NFIB: variants seen among roughly 807,000 people sequenced by gnomAD.
NFIB encodes the protein nuclear factor 1 B-type.
A neutral mutation model predicts 61.5 loss-of-function variants in NFIB; 11 were observed. That is an observed-to-expected ratio of 0.18 (90% CI 0.11 to 0.30). The LOEUF is 0.30. Among genes scored for constraint, NFIB ranks in the 10% least tolerant of loss-of-function variants. NFIB has a pLI of 1.00. For synonymous variants in NFIB, 260 were observed against 216.5 expected (o/e 1.20, Z -1.76); for missense variants, 471 against 608.9 (o/e 0.77, Z 2.38).
At chr9:14,419,018 T>G in the NFIB span, among the ~76,000 whole-genome samples, 1 of 152,068 alleles carries the variant, frequency 6.6e-6, no homozygotes, top group African/African-American at 2.4e-5. Flanking sequence ...CTGCCATGTA[T>G]CTAATGAATT....
intron 1 of NFIB, among the ~76,000 whole-genome samples, chr9:14,346,277 C>G (rs1431793209): frequency 2.3e-5 from 3 of 130,270 alleles, no homozygotes; most frequent in Non-Finnish European, 3.3e-5. Flanking sequence ...CGCAGTCACA[C>G]GAGGTAACCG....
At position 14,120,872 on chromosome 9, in the gene NFIB, G is replaced by A. The variant is rs913570080; in HGVS notation, c.1061-248C>T. The stretch of plus-strand genomic sequence containing the variant: ...ATCTTGCTTCCTGGCTCTGTGAGTG[G>A]TTACAAAATCAGTTTCTCTTTTATA... On this transcript the variant is annotated intron_variant, in intron 7 of 10. Coordinates refer to ENST00000380953, the MANE Select transcript of NFIB (RefSeq NM_001190737.2). The surrounding 1 kb of genome is among the most constrained non-coding windows in gnomAD (Gnocchi z 4.4). 2.6e-5 allele frequency among the ~76,000 whole-genome samples: 4 copies of A among 152,080 alleles called. No individual in the cohort carries two copies. Among genetic ancestry groups the A allele is most frequent in the African/African-American group, 9.7e-5 (4 of 41,388 alleles).
intron 2 of NFIB, among the ~76,000 whole-genome samples, chr9:14,239,834 C>T (rs1201906073): frequency 1.3e-5 from 2 of 152,080 alleles, no homozygotes; most frequent in Non-Finnish European, 2.9e-5. Context: ...GAAAGATACC[C>T]TCCAGAGGGA....
the NFIB span, among the ~76,000 whole-genome samples, chr9:14,429,847 T>C: frequency 6.6e-6 from 1 of 152,224 alleles, no homozygotes; most frequent in African/African-American, 2.4e-5. Context: ...AATAAATTAT[T>C]TTCTATGCAT....
At chr9:14,284,901 T>A (rs1414902269) in intron 2 of NFIB, among the ~76,000 whole-genome samples, 1 of 152,198 alleles carries the variant, frequency 6.6e-6, no homozygotes, top group Non-Finnish European at 1.5e-5. Context: ...AATCCTCTCT[T>A]TAAGGACATT....
At chr9:14,424,026 G>T in the NFIB span, among the ~76,000 whole-genome samples, 1 of 152,082 alleles carries the variant, frequency 6.6e-6, no homozygotes, top group Non-Finnish European at 1.5e-5. Context: ...GGCAAGGGGT[G>T]GGGGCTGGGT....
At chr9:14,136,769 G>A (rs2041095860) in intron 6 of NFIB, among the ~76,000 whole-genome samples, 1 of 152,116 alleles carries the variant, frequency 6.6e-6, no homozygotes, top group Non-Finnish European at 1.5e-5. Context: ...ATGATTTGAT[G>A]TGATTTAGTG....
intron 2 of NFIB, among the ~76,000 whole-genome samples, chr9:14,277,408 G>A (rs1387118268): frequency 2.0e-5 from 3 of 152,038 alleles, no homozygotes; most frequent in Admixed American, 6.6e-5. Context: ...ATCTCCAGAA[G>A]TGTGCCGAGG....
chr9:14,357,455 C>T (rs2061189168), intron 1 of NFIB: 1 of 152,148 alleles, frequency 6.6e-6, no homozygotes. Flanking sequence ...TCTGTGAGCC[C>T]CAAGTCAGAT....
At chr9:14,149,276 G>C (rs777734547) in intron 5 of NFIB, among the ~76,000 whole-genome samples, 5 of 151,964 alleles carry the variant, frequency 3.3e-5, no homozygotes, top group African/African-American at 1.2e-4. Flanking sequence ...CAAATTCAAC[G>C]AACTTTCACT....
the NFIB span, among the ~76,000 whole-genome samples, chr9:14,451,545 A>AAAACC: frequency 6.6e-6 from 1 of 152,198 alleles, no homozygotes; most frequent in African/African-American, 2.4e-5. Flanking sequence ...AAAACAAAAC[A>AAAACC]AAACCCACAA....
intron 2 of NFIB, among the ~76,000 whole-genome samples, chr9:14,248,329 TCTTCCTTC>T (rs1174633714): frequency 2.0e-5 from 3 of 148,942 alleles, no homozygotes; most frequent in Non-Finnish European, 3.0e-5. Flanking sequence ...TTCCTTCCTT[TCTTCCTTC>T]CTTCCTTCCT....
At chr9:14,207,934 C>G (rs1317898237) in intron 2 of NFIB, among the ~76,000 whole-genome samples, 1 of 152,166 alleles carries the variant, frequency 6.6e-6, no homozygotes, top group Admixed American at 6.5e-5. Context: ...CAAGGTCAAA[C>G]ATTTCCTTGG....
At chr9:14,233,127 C>T (rs1037719713) in intron 2 of NFIB, among the ~76,000 whole-genome samples, 2 of 152,188 alleles carry the variant, frequency 1.3e-5, no homozygotes, top group African/African-American at 4.8e-5. Context: ...CAATTGATGT[C>T]ATTACTGCTC....
chr9:14,363,638 T>TATATATGTATAC (rs548130659), intron 1 of NFIB, among the ~76,000 whole-genome samples: 1,894 of 124,462 alleles, frequency 0.015, 34 homozygotes, highest in African/African-American at 0.067. Context: ...TACATATACA[T>TATATATGTATAC]ATATATGTAT....
the NFIB span, among the ~76,000 whole-genome samples, chr9:14,520,319 A>G: frequency 6.6e-6 from 1 of 152,266 alleles, no homozygotes. Context: ...TTTACAAAAT[A>G]AGGGTCTGTC....
chr9:14,183,975 T>G (rs1005881951), intron 2 of NFIB, among the ~76,000 whole-genome samples: 3 of 152,204 alleles, frequency 2.0e-5, no homozygotes, highest in African/African-American at 7.2e-5. Context: ...TTCTCCAGGT[T>G]AAAGATTCTC....
intron 2 of NFIB, among the ~76,000 whole-genome samples, chr9:14,286,593 C>CT (rs2058722542): frequency 6.6e-6 from 1 of 152,142 alleles, no homozygotes; most frequent in African/African-American, 2.4e-5. Context: ...TACCATTACT[C>CT]TTTTTATAAC....
chr9:14,439,848 G>A, the NFIB span, among the ~76,000 whole-genome samples: 18 of 152,338 alleles, frequency 1.2e-4, no homozygotes, highest in South Asian at 8.3e-4. Flanking sequence ...CCCCCGAGGC[G>A]GAAGCCGTTT....
Sources: gnomAD v4.1 joint callset for allele counts (sites outside exome capture counted in the v4.1 genomes callset) on GRCh38, gnomAD v4.1.1 for gene constraint, Gnocchi (gnomAD v3.1) non-coding constraint, MANE v1.5 for transcripts, NCBI Gene and HGNC (gene_info 2026-07-23, HGNC 2026-07-21) for gene names.